GCLC: variants seen among roughly 807,000 people sequenced by gnomAD.
GCLC encodes the protein glutamate-cysteine ligase catalytic subunit, also known as glutamate--cysteine ligase catalytic subunit.
In GCLC, 30 loss-of-function variants were observed where a neutral mutation model predicts 81.5. The ratio of observed to expected loss-of-function variants is 0.37; its 90% CI spans 0.28 to 0.50. The LOEUF is 0.50. GCLC is among the 20% of genes least tolerant of loss of function. The pLI is 0.96. For synonymous variants in GCLC, 262 were observed against 273.3 expected (o/e 0.96, Z 0.41); for missense variants, 556 against 777.4 (o/e 0.72, Z 3.39).
Position 53,516,108 on chromosome 6 carries a change from C to G in GCLC, c.560+1G>C. Reference sequence around the variant, plus strand: ...GCATTTCAACACAAAGCCATACTCACCTGAAGCGAGGGTGCTTGTTTATTG... The same window carrying G: ...GCATTTCAACACAAAGCCATACTCAGCTGAAGCGAGGGTGCTTGTTTATTG... On this transcript the variant is annotated splice_donor_variant, in intron 4 of 15. Transcript: ENST00000650454. LOFTEE classifies it high-confidence loss of function. 6.4e-7 allele frequency: 1 copy of G among 1,564,466 alleles called. No individual in the cohort carries two copies. The highest frequency in any genetic ancestry group is 8.8e-7 in the Non-Finnish European group (1 of 1,134,972).
intron 14 of GCLC, 40 bp from the exon 15 acceptor site, chr6:53,500,205 G>T (rs1235867718): frequency 5.0e-6 from 8 of 1,613,608 alleles, no homozygotes; most frequent in South Asian, 2.2e-5. Context: ...CCTGCCGGGG[G>T]ATGTGCACAG....
At chr6:53,503,519 A>C (rs1004957923) in intron 12 of GCLC, among the ~76,000 whole-genome samples, 3 of 152,142 alleles carry the variant, frequency 2.0e-5, no homozygotes, top group Admixed American at 6.5e-5. Flanking sequence ...TGTGGTTGTT[A>C]ATTCTTTACC....
At chr6:53,534,118 C>T (rs1357865409) in intron 1 of GCLC, among the ~76,000 whole-genome samples, 1 of 152,208 alleles carries the variant, frequency 6.6e-6, no homozygotes, top group Non-Finnish European at 1.5e-5. Flanking sequence ...TCTAAGCTCA[C>T]ACAACCCGGG....
intron 3 of GCLC, among the ~76,000 whole-genome samples, chr6:53,517,967 T>G (rs1267744516): frequency 6.6e-6 from 1 of 152,164 alleles, no homozygotes; most frequent in Admixed American, 6.5e-5. Flanking sequence ...CTTTGCATCT[T>G]TATAAAGTCA....
chr6:53,499,346 T>G (rs1053837210), intron 15 of GCLC, among the ~76,000 whole-genome samples: 1 of 152,152 alleles, frequency 6.6e-6, no homozygotes, highest in Non-Finnish European at 1.5e-5. Context: ...CTCAGAGGAC[T>G]GTAGGGTCCT....
At chr6:53,534,086 C>T (rs780139345) in intron 1 of GCLC, among the ~76,000 whole-genome samples, 29 of 152,350 alleles carry the variant, frequency 1.9e-4, no homozygotes, top group Middle Eastern at 3.4e-3. Flanking sequence ...TGAACCATCA[C>T]GCCCAGTCTT....
At chr6:53,541,921 G>A (rs539927835) in intron 1 of GCLC, among the ~76,000 whole-genome samples, 1 of 152,266 alleles carries the variant, frequency 6.6e-6, no homozygotes, top group South Asian at 2.1e-4. Context: ...AGACTAGAGT[G>A]CAGTTGAACA....
Position 53,506,259 on chromosome 6 carries a change from C to T in GCLC, c.1198-364G>A, listed in dbSNP as rs971786125. The T allele has an allele frequency of 1.2e-5, 4 of 322,190 alleles. No homozygotes were observed. The highest frequency in any genetic ancestry group is 2.2e-5 in the African/African-American group (1 of 46,182). The allele number at this position is 322,190 out of a possible 1,614,324, so 20.0% of individuals were successfully genotyped here. On this transcript the variant is annotated intron_variant, in intron 10 of 15. Transcript: ENST00000650454. This position sits in a 1 kb window ranked among gnomAD's most constrained non-coding sequence, Gnocchi z 4.0. ...GACACTGGACACTTTCATCTGAGAACCCTGTCACATGACAGTTGTTTCCTT... is the reference window on the plus strand; with the variant it reads ...GACACTGGACACTTTCATCTGAGAATCCTGTCACATGACAGTTGTTTCCTT...
intron 3 of GCLC, 89 bp downstream of exon 3, chr6:53,520,689 G>C: frequency 9.8e-7 from 1 of 1,024,710 alleles, no homozygotes; most frequent in Non-Finnish European, 1.6e-6. Context: ...TATGAGGATT[G>C]TAAGGTGGAA....
At position 53,529,853 on chromosome 6, in the gene GCLC, A is replaced by T. The variant is rs1763143632; in HGVS notation, c.151-7326T>A. 2.0e-5 allele frequency among the ~76,000 whole-genome samples: 3 copies of T among 152,232 alleles called. No individual in the cohort carries two copies. The South Asian group carries it at 6.2e-4, about 31-fold the overall frequency. On this transcript the variant is annotated intron_variant, in intron 1 of 15. Transcript: ENST00000650454. ...GAGAATTTCTGCAGCGGTTCCCTCT[A>T]GGTGCAGGAGAGTTTAGGGCTTTAG... is the stretch of plus-strand genomic sequence containing the variant.
intron 6 of GCLC, chr6:53,510,003 G>A (rs1008108267): frequency 6.6e-6 from 1 of 152,600 alleles, no homozygotes; most frequent in Admixed American, 6.5e-5. Context: ...AGCTTGGAAG[G>A]GGGAAAGACT....
chr6:53,527,893 C>T (rs17886558), intron 1 of GCLC, among the ~76,000 whole-genome samples: 3,289 of 152,256 alleles, frequency 0.022, 125 homozygotes, highest in African/African-American at 0.076. Flanking sequence ...ATCACCCTCT[C>T]GCCTGTCAAA....
intron 6 of GCLC, chr6:53,513,858 C>A: frequency 7.8e-6 from 2 of 257,864 alleles, no homozygotes; most frequent in South Asian, 5.3e-5. Flanking sequence ...ATATTTAAAC[C>A]ACCTCACTAG....
chr6:53,540,329 G>GA (rs71276877), intron 1 of GCLC, among the ~76,000 whole-genome samples: 29 of 138,330 alleles, frequency 2.1e-4, no homozygotes, highest in Non-Finnish European at 3.1e-4. Context: ...CCTCAAAAAA[G>GA]AAAAAAAAAA....
In GCLC at chr6:53,543,779, TTC is replaced by T. The variant is rs1561955000; in HGVS notation, c.150+715_150+716del. Among the ~76,000 whole-genome samples, 983 of 152,312 alleles carry T rather than the reference TTC, an allele frequency of 6.5e-3. 9 individuals carry two copies. Among genetic ancestry groups the T allele is most frequent in the African/African-American group, 0.022 (915 of 41,574 alleles). On this transcript the variant is annotated intron_variant, in intron 1 of 15. Coordinates refer to ENST00000650454, the MANE Select transcript of GCLC (RefSeq NM_001498.4). ...CAACCTACTGAGAATCTAGAGACAT[TTC>T]ATCTCTAGGCAGAACACTGGTTTGT...
In GCLC at chr6:53,500,105, C is replaced by T. The variant is rs1764478658; in HGVS notation, c.1642G>A (p.Asp548Asn). 1 of 1,611,058 alleles carries T rather than the reference C, an allele frequency of 6.2e-7. No individual in the cohort carries two copies. The highest frequency in any genetic ancestry group is 2.2e-5 in the East Asian group (1 of 44,858). The part of the protein sequence containing the change: ...LNSYLENMEV[D>N]VDTRCSILNY... ...AGAATACTACATCTGGTGTCCACAT[C>T]CACTTCCATGTTTTCAAGGTAAGAG... The change falls in exon 15 of 16, where the codon GAT (aspartate) becomes AAT (asparagine). Residue 548 changes from aspartate to asparagine, a missense_variant. By Grantham distance (23) the Asp-to-Asn change is conservative. This residue lies in a region of GCLC where 313 missense variants were observed against 437.3 expected (regional missense o/e 0.72). Transcript: ENST00000650454.
Position 53,521,973 on chromosome 6 carries a change from CA to C in GCLC, c.263+441del, listed in dbSNP as rs17880508. Among the ~76,000 whole-genome samples the C allele has an allele frequency of 0.012, 1,807 of 151,108 alleles. 86 individuals are homozygous for C. In the East Asian group the frequency reaches 0.17, roughly 14 times the overall value. On this transcript the variant is annotated intron_variant, in intron 2 of 15. Coordinates refer to ENST00000650454, the MANE Select transcript of GCLC (RefSeq NM_001498.4). ...CGGACGACAGAGTGAGACTCCGTCT[CA>C]AAAAAAAATCATGCCAGCCAAACAA...
chr6:53,499,343 G>T (rs527290483), intron 15 of GCLC, among the ~76,000 whole-genome samples: 126 of 152,174 alleles, frequency 8.3e-4, no homozygotes, highest in Non-Finnish European at 1.3e-3. Context: ...TGCCTCAGAG[G>T]ACTGTAGGGT....
At chr6:53,509,099 C>T (rs1764682854) in intron 7 of GCLC, 77 bp downstream of exon 7, 4 of 890,456 alleles carry the variant, frequency 4.5e-6, no homozygotes, top group South Asian at 2.7e-5. Flanking sequence ...TTAAATAGCA[C>T]ACTGTCAGTA....
Sources: allele counts gnomAD v4.1 joint callset (sites outside exome capture counted in the v4.1 genomes callset), GRCh38; gene constraint gnomAD v4.1.1; regional missense constraint gnomAD v4.1.1; non-coding constraint Gnocchi (gnomAD v3.1); transcripts MANE v1.5; gene names NCBI Gene and HGNC (gene_info 2026-07-23, HGNC 2026-07-21).